DSCAM: variants seen among roughly 807,000 people sequenced by gnomAD.
The protein encoded by DSCAM is cell adhesion molecule DSCAM.
Under a neutral mutation model 217.7 loss-of-function variants are expected in DSCAM, and 47 were observed. The observed-to-expected ratio is 0.22, with a 90% CI of 0.17 to 0.28. DSCAM has a LOEUF of 0.28. DSCAM is among the 10% of genes least tolerant of loss of function. DSCAM has a pLI of 1.00. For synonymous variants in DSCAM, 1,056 were observed against 1,015.3 expected, an observed-to-expected ratio of 1.04 and a Z score of -0.76; for missense variants, 2,080 against 2,618.3, an observed-to-expected ratio of 0.79 and a Z score of 4.49.
At chr21:40,512,800 T>G (rs2076270404) in intron 3 of DSCAM, among the ~76,000 whole-genome samples, 1 of 151,688 alleles carries the variant, frequency 6.6e-6, no homozygotes, top group African/African-American at 2.4e-5. Context: ...CACAACTGCG[T>G]CCCTAGTGGC....
intron 26 of DSCAM, among the ~76,000 whole-genome samples, chr21:40,076,356 A>C (rs895041226): frequency 1.3e-5 from 2 of 152,106 alleles, no homozygotes; most frequent in Non-Finnish European, 2.9e-5. Context: ...TGGCAGAAGA[A>C]AGAGTGAGAT....
At chr21:40,284,863 C>A (rs2073805797) in intron 10 of DSCAM, among the ~76,000 whole-genome samples, 1 of 152,196 alleles carries the variant, frequency 6.6e-6, no homozygotes, top group Non-Finnish European at 1.5e-5. Context: ...ATTGTGTCCA[C>A]TGTGCAATCC....
At chr21:40,559,436 C>T (rs1251953042) in intron 3 of DSCAM, among the ~76,000 whole-genome samples, 1 of 136,722 alleles carries the variant, frequency 7.3e-6, no homozygotes, top group Admixed American at 8.0e-5. Flanking sequence ...CTGGCCCGGG[C>T]GAAAAGAGCG....
intron 3 of DSCAM, among the ~76,000 whole-genome samples, chr21:40,486,882 G>A (rs554053775): frequency 3.9e-5 from 6 of 152,200 alleles, no homozygotes; most frequent in South Asian, 2.1e-4. Flanking sequence ...CCTGGCCTCC[G>A]CTGAGCTCCT....
chr21:40,414,298 T>C (rs1045302988), intron 3 of DSCAM, among the ~76,000 whole-genome samples: 4 of 152,196 alleles, frequency 2.6e-5, no homozygotes, highest in African/African-American at 7.2e-5. Flanking sequence ...AACAAAAGTC[T>C]TCTTTGCCAT....
At chr21:40,845,614 C>T (rs2092139139) in intron 1 of DSCAM, among the ~76,000 whole-genome samples, 1 of 151,800 alleles carries the variant, frequency 6.6e-6, no homozygotes, top group South Asian at 2.1e-4. Context: ...CTCTTTCTCT[C>T]TCTCTCTCTC....
At chr21:40,544,902 T>C (rs769948011) in intron 3 of DSCAM, among the ~76,000 whole-genome samples, 2 of 148,474 alleles carry the variant, frequency 1.3e-5, no homozygotes, top group Non-Finnish European at 3.0e-5. Context: ...CACTTTTATT[T>C]AATTAAAAGT....
At chr21:40,472,540 T>A (rs146024270) in intron 3 of DSCAM, among the ~76,000 whole-genome samples, 3 of 152,286 alleles carry the variant, frequency 2.0e-5, no homozygotes, top group Admixed American at 2.0e-4. Flanking sequence ...ATGGGAAAAA[T>A]CATAGTAAAA....
intron 3 of DSCAM, among the ~76,000 whole-genome samples, chr21:40,645,622 G>A (rs189184650): frequency 1.3e-5 from 2 of 152,088 alleles, no homozygotes; most frequent in East Asian, 1.9e-4. Flanking sequence ...AGGCATACAC[G>A]GTGCCCCTCT....
intron 3 of DSCAM, among the ~76,000 whole-genome samples, chr21:40,612,542 T>A (rs1386385711): frequency 6.6e-6 from 1 of 152,174 alleles, no homozygotes; most frequent in African/African-American, 2.4e-5. Flanking sequence ...CTACTGGCCA[T>A]TGGTGTCTAC....
intron 1 of DSCAM, among the ~76,000 whole-genome samples, chr21:40,796,446 T>C (rs1210434457): frequency 1.3e-5 from 2 of 152,214 alleles, no homozygotes; most frequent in African/African-American, 4.8e-5. Flanking sequence ...TCACAGAGAC[T>C]ATAGGGGTGA....
chr21:40,817,912 A>G (rs949933582), intron 1 of DSCAM, among the ~76,000 whole-genome samples: 6 of 143,978 alleles, frequency 4.2e-5, no homozygotes, highest in African/African-American at 1.5e-4. Flanking sequence ...CTGGCTAACA[A>G]GGTGAAACCC....
intron 3 of DSCAM, among the ~76,000 whole-genome samples, chr21:40,664,540 T>G (rs2090178209): frequency 6.6e-6 from 1 of 152,226 alleles, no homozygotes; most frequent in Admixed American, 6.5e-5. Flanking sequence ...GAAAGTCAGC[T>G]GTGCCGAGAA....
intron 3 of DSCAM, among the ~76,000 whole-genome samples, chr21:40,510,333 A>G (rs1441398182): frequency 6.6e-6 from 1 of 152,210 alleles, no homozygotes; most frequent in African/African-American, 2.4e-5. Context: ...TTCTAGTGGC[A>G]TTTTAGATAT....
intron 1 of DSCAM, among the ~76,000 whole-genome samples, chr21:40,815,612 C>T (rs561903656): frequency 6.6e-6 from 1 of 152,340 alleles, no homozygotes; most frequent in African/African-American, 2.4e-5. Context: ...AAGTGTCACA[C>T]ACACCCAGGG....
chr21:40,338,073 G>T (rs972883076), intron 8 of DSCAM, 28 bp downstream of exon 8: 1 of 1,608,684 alleles, frequency 6.2e-7, no homozygotes, highest in Non-Finnish European at 8.5e-7. Context: ...GGAATGAGTT[G>T]TGTGGGAACC....
intron 3 of DSCAM, among the ~76,000 whole-genome samples, chr21:40,653,104 C>T (rs2090035615): frequency 6.6e-6 from 1 of 152,190 alleles, no homozygotes. Context: ...TTCCTGGACT[C>T]CTTCCTATGC....
At chr21:40,303,100 C>T (rs1440685584) in intron 9 of DSCAM, among the ~76,000 whole-genome samples, 1 of 152,072 alleles carries the variant, frequency 6.6e-6, no homozygotes, top group Non-Finnish European at 1.5e-5. Flanking sequence ...TGGATAAATA[C>T]CACCATTCTC....
intron 20 of DSCAM, among the ~76,000 whole-genome samples, chr21:40,098,679 A>T (rs997774314): frequency 1.3e-5 from 2 of 152,190 alleles, no homozygotes; most frequent in Non-Finnish European, 2.9e-5. Flanking sequence ...TCTTCACTAT[A>T]TCTCTTAATT....
Sources: gnomAD v4.1 joint callset for allele counts (sites outside exome capture counted in the v4.1 genomes callset) on GRCh38, gnomAD v4.1.1 for gene constraint, MANE v1.5 for transcripts, NCBI Gene and HGNC (gene_info 2026-07-23, HGNC 2026-07-21) for gene names.